Variants in PRKAG2 observed in about 807,000 individuals in gnomAD.
The protein encoded by PRKAG2 is protein kinase AMP-activated non-catalytic subunit gamma 2.
In PRKAG2, 26 loss-of-function variants were observed where a neutral mutation model predicts 69.6. The observed-to-expected ratio is 0.37, with a 90% confidence interval of 0.27 to 0.52. The LOEUF (loss-of-function observed/expected upper bound fraction) is 0.52, where lower values mean the gene tolerates loss of function less well. Among genes scored for constraint, PRKAG2 ranks in the 20% least tolerant of loss-of-function variants. PRKAG2 has a pLI of 0.90. For synonymous variants in PRKAG2, 293 were observed against 285.0 expected (o/e 1.03, Z -0.28); for missense variants, 557 against 740.0 (o/e 0.75, Z 2.87).
intron 5 of PRKAG2, among the ~76,000 whole-genome samples, chr7:151,604,686 A>G (rs1817080824): frequency 1.3e-5 from 2 of 152,178 alleles, no homozygotes; most frequent in African/African-American, 4.8e-5. Context: ...TGTATTAACA[A>G]AAGTCTCCAC....
intron 5 of PRKAG2, among the ~76,000 whole-genome samples, chr7:151,613,922 C>T (rs966252103): frequency 1.3e-5 from 2 of 151,844 alleles, no homozygotes; most frequent in Admixed American, 1.3e-4. Context: ...CCTGCCTCAG[C>T]CTCCCAAGTA....
chr7:151,851,034 C>T (rs1394695951), intron 1 of PRKAG2, among the ~76,000 whole-genome samples: 2 of 152,216 alleles, frequency 1.3e-5, no homozygotes, highest in African/African-American at 4.8e-5. Flanking sequence ...AGCGATCCCG[C>T]CGTCTCTGTG....
intron 3 of PRKAG2, among the ~76,000 whole-genome samples, chr7:151,744,625 G>C (rs950085618): frequency 2.6e-5 from 4 of 152,244 alleles, no homozygotes; most frequent in Admixed American, 6.5e-5. Flanking sequence ...GTTATGTGAA[G>C]CTGCAAATAG....
chr7:151,847,024 G>A (rs1044339280), intron 1 of PRKAG2, among the ~76,000 whole-genome samples: 18 of 152,226 alleles, frequency 1.2e-4, no homozygotes, highest in African/African-American at 3.6e-4. Flanking sequence ...GGGGGTAAGC[G>A]GCTGGGTGAG....
intron 4 of PRKAG2, among the ~76,000 whole-genome samples, chr7:151,657,384 C>G (rs1271025490): frequency 6.6e-6 from 1 of 152,110 alleles, no homozygotes; most frequent in East Asian, 1.9e-4. Context: ...AGTCTCTAAG[C>G]CTCGTGCCAA....
intron 1 of PRKAG2, among the ~76,000 whole-genome samples, chr7:151,841,136 T>C (rs1175847755): frequency 6.6e-6 from 1 of 152,188 alleles, no homozygotes; most frequent in Non-Finnish European, 1.5e-5. Context: ...TACAGGTGCC[T>C]GCCACCACAC....
chr7:151,737,578 G>A (rs944768203), intron 3 of PRKAG2, among the ~76,000 whole-genome samples: 3 of 152,272 alleles, frequency 2.0e-5, no homozygotes, highest in South Asian at 2.1e-4. Context: ...TCTACGGCTC[G>A]TCCGAAAACA....
chr7:151,809,265 G>A (rs1291105522), intron 1 of PRKAG2: 1 of 456,614 alleles, frequency 2.2e-6, no homozygotes, highest in Non-Finnish European at 4.4e-6. Flanking sequence ...CCCTAGGCCA[G>A]CCCGGCCCCT....
chr7:151,617,652 AC>A (rs1261673793), intron 5 of PRKAG2, among the ~76,000 whole-genome samples: 6 of 152,110 alleles, frequency 3.9e-5, no homozygotes, highest in Non-Finnish European at 8.8e-5. Flanking sequence ...ACAGAAAAAA[AC>A]CCCCATATTC....
chr7:151,832,160 A>G (rs2079039515), intron 1 of PRKAG2, among the ~76,000 whole-genome samples: 2 of 151,416 alleles, frequency 1.3e-5, no homozygotes, highest in African/African-American at 2.4e-5. Context: ...CTTGAAATTG[A>G]ATTTCCCCCC....
chr7:151,577,528 T>C (rs1809263901), intron 6 of PRKAG2, among the ~76,000 whole-genome samples: 1 of 152,210 alleles, frequency 6.6e-6, no homozygotes, highest in African/African-American at 2.4e-5. Context: ...ACAAGGGCTA[T>C]TATAAAACCA....
chr7:151,661,208 C>T (rs1029048828), intron 4 of PRKAG2, among the ~76,000 whole-genome samples: 3 of 152,164 alleles, frequency 2.0e-5, no homozygotes, highest in Admixed American at 6.5e-5. Context: ...TTTTCTGAGA[C>T]GGAGTCTTGC....
Position 151,583,556 on chromosome 7 carries a change from GC to G in PRKAG2, c.865-7105del, listed in dbSNP as rs1233282858. Among the ~76,000 whole-genome samples, 1 of 152,132 alleles carries G rather than the reference GC, an allele frequency of 6.6e-6. No homozygotes were observed. Among genetic ancestry groups the G allele is most frequent in the Non-Finnish European group, 1.5e-5 (1 of 68,026 alleles). On this transcript the variant is annotated intron_variant, in intron 6 of 15. Coordinates refer to ENST00000287878, the MANE Select transcript of PRKAG2 (RefSeq NM_016203.4). The surrounding 1 kb of genome is among the most constrained non-coding windows in gnomAD (Gnocchi z 4.1). Reference sequence around the variant, plus strand: ...ACACGTGCATGGAGCTGTTTATAAAGCAATTTAAAATCATACTTGGAAAATT... The same window carrying G: ...ACACGTGCATGGAGCTGTTTATAAAGAATTTAAAATCATACTTGGAAAATT...
intron 5 of PRKAG2, among the ~76,000 whole-genome samples, chr7:151,616,107 A>T (rs1820071928): frequency 6.6e-6 from 1 of 152,182 alleles, no homozygotes; most frequent in Admixed American, 6.5e-5. Flanking sequence ...TCATTTTAAC[A>T]GTGCTGTGGG....
At chr7:151,600,616 T>C (rs1217287162) in intron 5 of PRKAG2, among the ~76,000 whole-genome samples, 6 of 152,224 alleles carry the variant, frequency 3.9e-5, no homozygotes, top group Non-Finnish European at 8.8e-5. Flanking sequence ...GTCTCCTGTC[T>C]CATTCATGCA....
chr7:151,559,509 T>A (rs1804454920), intron 15 of PRKAG2: 1 of 981,202 alleles, frequency 1.0e-6, no homozygotes, highest in African/African-American at 1.8e-5. Context: ...TTCCAGGTGG[T>A]GGTGATGATG....
At chr7:151,705,850 A>G (rs115310513) in intron 3 of PRKAG2, among the ~76,000 whole-genome samples, 2,748 of 152,004 alleles carry the variant, frequency 0.018, 97 homozygotes, top group African/African-American at 0.063. Context: ...TTCTTAGCCG[A>G]TCTCATCTCA....
In PRKAG2 at chr7:151,802,010, A is replaced by G. The variant is rs377123140; in HGVS notation, c.115-15469T>C. On this transcript the variant is annotated intron_variant, in intron 1 of 15. Coordinates refer to ENST00000287878, the MANE Select transcript of PRKAG2 (RefSeq NM_016203.4). ...GCAGGATGGAGTCTCCATGCAGCCC[A>G]AGCCTCTCTGCAGGGCCTGGTGGCT... Among the ~76,000 whole-genome samples, 297 of 152,240 alleles carry G rather than the reference A, an allele frequency of 2.0e-3. 3 individuals carry two copies. In the Middle Eastern group the frequency reaches 0.024, roughly 12 times the overall value.
rs1174059570 is a variant in PRKAG2 at position 151,814,453 on chromosome 7, T to A, written c.115-27912A>T. 1 of 1,230,034 alleles carries A rather than the reference T, an allele frequency of 8.1e-7. No homozygotes were observed. The highest frequency in any genetic ancestry group is 1.6e-5 in the African/African-American group (1 of 64,406). 76.2% of individuals were successfully genotyped at this position (1,230,034 alleles called of 1,614,324 possible). On this transcript the variant is annotated intron_variant, in intron 1 of 15. Transcript: ENST00000287878. The surrounding 1 kb of genome is among the most constrained non-coding windows in gnomAD (Gnocchi z 4.8). Reference sequence around the variant, plus strand: ...GGTCCTGGAGGTCTTCTCTTCCAGATGCTAATAAGCAGTGCAGGCTTGTAA... The same window carrying A: ...GGTCCTGGAGGTCTTCTCTTCCAGAAGCTAATAAGCAGTGCAGGCTTGTAA...
Sources: allele counts gnomAD v4.1 joint callset (sites outside exome capture counted in the v4.1 genomes callset), GRCh38; gene constraint gnomAD v4.1.1; non-coding constraint Gnocchi (gnomAD v3.1); transcripts MANE v1.5; gene names NCBI Gene and HGNC (gene_info 2026-07-23, HGNC 2026-07-21).